The following LBP variants were observed in gnomAD, a reference collection of about 807,000 sequenced individuals.
LBP encodes the protein lipopolysaccharide binding protein, also known as lipopolysaccharide-binding protein.
A neutral mutation model predicts 56.6 loss-of-function variants in LBP; 53 were observed. The ratio of observed to expected loss-of-function variants is 0.94; its 90% confidence interval spans 0.75 to 1.18. LBP has a LOEUF of 1.18. LBP is among the 50% of genes most tolerant of loss of function. The probability of loss-of-function intolerance (pLI) is 0.00; values close to 1 mark genes in which losing one functional copy is unlikely to be tolerated. For missense variants in LBP, 601 were observed against 598.3 expected (o/e 1.00, Z -0.05); for synonymous variants, 227 against 247.5 (o/e 0.92, Z 0.78).
At chr20:38,348,026 G>A (rs958783669) in intron 1 of LBP, among the ~76,000 whole-genome samples, 5 of 152,144 alleles carry the variant, frequency 3.3e-5, no homozygotes, top group Non-Finnish European at 7.3e-5. Flanking sequence ...AATTACCCAG[G>A]GACAAGGGGT....
At chr20:38,355,621 T>C (rs1002822984) in intron 5 of LBP, among the ~76,000 whole-genome samples, 16 of 152,226 alleles carry the variant, frequency 1.1e-4, no homozygotes, top group Admixed American at 1.0e-3. Context: ...GGGCAGAAAA[T>C]GGTCAACTGC....
intron 6 of LBP, among the ~76,000 whole-genome samples, chr20:38,362,226 T>A (rs2076863156): frequency 6.7e-6 from 1 of 149,898 alleles, no homozygotes; most frequent in South Asian, 2.1e-4. Flanking sequence ...GTCTGGCTAA[T>A]TTTTTTTGTA....
intron 8 of LBP, 116 bp downstream of exon 8, chr20:38,364,868 A>G: frequency 1.1e-6 from 1 of 944,672 alleles, no homozygotes; most frequent in Non-Finnish European, 1.6e-6. Flanking sequence ...TAAGAGAAAA[A>G]TCAACACCAA....
At chr20:38,365,795 T>A (rs896052266) in intron 8 of LBP, among the ~76,000 whole-genome samples, 1 of 150,322 alleles carries the variant, frequency 6.7e-6, no homozygotes, top group Non-Finnish European at 1.5e-5. Flanking sequence ...ATGCATATAT[T>A]TTCAGAGAAA....
intron 1 of LBP, among the ~76,000 whole-genome samples, chr20:38,348,138 T>A (rs757467063): frequency 6.6e-6 from 1 of 152,180 alleles, no homozygotes; most frequent in South Asian, 2.1e-4. Context: ...TGTGTACCCA[T>A]GTCTGCCTTG....
At position 38,366,847 on chromosome 20, in the gene LBP, C is replaced by T; in HGVS notation, c.981+19C>T. On this transcript the variant is annotated intron_variant, in intron 9 of 14. Transcript: ENST00000217407. Reference sequence around the variant, plus strand: ...CCCACGGGTAAGGAGTCCCTTAGTTCCCCATGAGTGCAGACCGAGCCTACT... The same window carrying T: ...CCCACGGGTAAGGAGTCCCTTAGTTTCCCATGAGTGCAGACCGAGCCTACT... 1.2e-6 allele frequency: 2 copies of T among 1,609,290 alleles called. No individual in the cohort carries two copies. The highest frequency in any genetic ancestry group is 8.5e-7 in the Non-Finnish European group (1 of 1,175,710).
chr20:38,358,345 G>A (rs141388329), intron 5 of LBP, among the ~76,000 whole-genome samples: 2 of 152,082 alleles, frequency 1.3e-5, no homozygotes, highest in Non-Finnish European at 2.9e-5. Context: ...TACCCCAGTC[G>A]CATCCTCAGG....
intron 3 of LBP, among the ~76,000 whole-genome samples, chr20:38,354,049 A>G (rs2076829834): frequency 6.6e-6 from 1 of 151,838 alleles, no homozygotes. Context: ...TTTATCAAGG[A>G]TTTCCTTTAT....
chr20:38,364,893 C>A, intron 8 of LBP, 141 bp downstream of exon 8: 3 of 803,536 alleles, frequency 3.7e-6, no homozygotes, highest in South Asian at 1.8e-5. Flanking sequence ...AATATGTTAG[C>A]ACAATCTCCC....
intron 14 of LBP, among the ~76,000 whole-genome samples, chr20:38,375,598 A>C (rs1412085760): frequency 6.6e-6 from 1 of 152,188 alleles, no homozygotes; most frequent in Non-Finnish European, 1.5e-5. Flanking sequence ...AAAAAAAATT[A>C]ACTTAAGGTT....
At chr20:38,347,555 A>C (rs938070970) in intron 1 of LBP, among the ~76,000 whole-genome samples, 4 of 152,202 alleles carry the variant, frequency 2.6e-5, no homozygotes, top group African/African-American at 9.7e-5. Context: ...AAAATAAATA[A>C]AAATAAAACA....
intron 9 of LBP, among the ~76,000 whole-genome samples, chr20:38,368,104 C>T (rs6025214): frequency 5.3e-5 from 8 of 151,874 alleles, no homozygotes; most frequent in East Asian, 1.9e-4. Context: ...AAGAGTAATA[C>T]GAGAAAATTA....
chr20:38,371,900 G>A (rs569067923), intron 12 of LBP, among the ~76,000 whole-genome samples: 1 of 152,132 alleles, frequency 6.6e-6, no homozygotes, highest in East Asian at 1.9e-4. Context: ...ACTGTGGCCA[G>A]AAGTCAGCCC....
chr20:38,363,944 G>T (rs762978811), intron 6 of LBP, 31 bp from the exon 7 acceptor site: 19 of 1,500,744 alleles, frequency 1.3e-5, no homozygotes, highest in Non-Finnish European at 1.8e-5. Flanking sequence ...GTGTCATCTG[G>T]CCCCTAATTC....
chr20:38,354,268 C>T lies in LBP; in HGVS notation c.369-16C>T. The T allele has an allele frequency of 1.2e-6, 2 of 1,608,054 alleles. No homozygotes were observed. The highest frequency in any genetic ancestry group is 1.7e-4 in the Middle Eastern group (1 of 6,034). On this transcript the variant is annotated splice_polypyrimidine_tract_variant and intron_variant, in intron 3 of 14. Transcript: ENST00000217407. Reference sequence around the variant, plus strand: ...CTGGTCTAGGAACTAACCATGGCTTCTCTTACCTCCTCCAGCAAACTACAG... The same window carrying T: ...CTGGTCTAGGAACTAACCATGGCTTTTCTTACCTCCTCCAGCAAACTACAG...
Position 38,349,482 on chromosome 20 carries a change from G to A in LBP, c.125-66G>A, listed in dbSNP as rs961012140. On this transcript the variant is annotated intron_variant, in intron 1 of 14. Transcript: ENST00000217407. Reference sequence around the variant, plus strand: ...CTCTTGAGGACAGGTGGGAGCCACCGTAGGGTTTAGAGCAGGGGAGGAGGC... The same window carrying A: ...CTCTTGAGGACAGGTGGGAGCCACCATAGGGTTTAGAGCAGGGGAGGAGGC... 3.9e-5 allele frequency: 48 copies of A among 1,230,098 alleles called. 1 individual carries two copies. The South Asian group carries it at 4.0e-4, about 10-fold the overall frequency. 76.2% of individuals were successfully genotyped at this position (1,230,098 alleles called of 1,614,324 possible).
intron 5 of LBP, among the ~76,000 whole-genome samples, chr20:38,356,206 C>A: frequency 4.8e-4 from 1 of 2,098 alleles, no homozygotes; most frequent in African/African-American, 7.2e-4. Context: ...ATACCATACC[C>A]CACACAAACA....
intron 2 of LBP, among the ~76,000 whole-genome samples, chr20:38,350,467 A>T (rs1568826765): frequency 6.6e-6 from 1 of 152,146 alleles, no homozygotes. Flanking sequence ...CCAAAGGGAT[A>T]TGTCTACGGA....
chr20:38,374,113 T>G, intron 14 of LBP, 100 bp downstream of exon 14: 2 of 1,250,588 alleles, frequency 1.6e-6, no homozygotes, highest in Non-Finnish European at 2.3e-6. Context: ...AGCCCAGCCC[T>G]GCAGCTGGGA....
Sources: gnomAD v4.1 joint callset for allele counts (sites outside exome capture counted in the v4.1 genomes callset) on GRCh38, gnomAD v4.1.1 for gene constraint, MANE v1.5 for transcripts, NCBI Gene and HGNC (gene_info 2026-07-23, HGNC 2026-07-21) for gene names.